The following FAM186B variants were observed in gnomAD, a reference collection of about 807,000 sequenced individuals.
FAM186B encodes protein FAM186B.
Under a neutral mutation model 83.4 loss-of-function variants are expected in FAM186B, and 68 were observed. That is an observed-to-expected ratio of 0.81 (90% CI 0.67 to 1.00). The LOEUF is 1.00. FAM186B is among the 50% of genes least tolerant of loss of function. The pLI is 0.00. For missense variants in FAM186B, 983 were observed against 1,099.2 expected (o/e 0.89, Z 1.49); for synonymous variants, 389 against 422.0 (o/e 0.92, Z 0.96).
the FAM186B span, among the ~76,000 whole-genome samples, chr12:49,612,098 C>A: frequency 1.3e-5 from 2 of 152,034 alleles, no homozygotes; most frequent in African/African-American, 2.4e-5. Context: ...AAGCAACCAG[C>A]TAGTAACTTC....
At chr12:49,589,150 T>C (rs1429270118) in intron 5 of FAM186B, among the ~76,000 whole-genome samples, 1 of 152,210 alleles carries the variant, frequency 6.6e-6, no homozygotes, top group African/African-American at 2.4e-5. Context: ...GAAACCTCCA[T>C]GGCCAAGGCT....
At chr12:49,606,780 T>C (rs1379771489), upstream of FAM186B, among the ~76,000 whole-genome samples, 1 of 152,126 alleles carries the variant, frequency 6.6e-6, no homozygotes, top group African/African-American at 2.4e-5. Context: ...CCAACTTGAC[T>C]CCATTGACAG....
At chr12:49,588,340 T>G (rs1592542515) in intron 6 of FAM186B, 114 bp downstream of exon 6, 25 of 1,292,054 alleles carry the variant, frequency 1.9e-5, no homozygotes, top group Non-Finnish European at 2.5e-5. Flanking sequence ...ACTCGTAGGG[T>G]GATATTGGCC....
chr12:49,591,936 C>T (rs1374942691), intron 5 of FAM186B, among the ~76,000 whole-genome samples: 1 of 152,116 alleles, frequency 6.6e-6, no homozygotes, highest in Non-Finnish European at 1.5e-5. Context: ...TCATGTTCAG[C>T]ACAGACACAA....
intron 5 of FAM186B, among the ~76,000 whole-genome samples, chr12:49,590,589 G>C (rs1394627375): frequency 6.6e-6 from 1 of 152,158 alleles, no homozygotes; most frequent in African/African-American, 2.4e-5. Flanking sequence ...ATTCTGCCAA[G>C]GTAAAGTGGG....
At position 49,600,582 on chromosome 12, in the gene FAM186B, A is replaced by G. The variant is rs768898567; in HGVS notation, c.1058T>C (p.Val353Ala). 6.2e-7 allele frequency: 1 copy of G among 1,612,840 alleles called. No individual in the cohort carries two copies. The highest frequency in any genetic ancestry group is 1.1e-5 in the South Asian group (1 of 90,866). The change falls in exon 4 of 7, where the codon GTC (valine) becomes GCC (alanine). Residue 353 changes from valine (V) to alanine (A), a missense_variant. Val to Ala is a moderately conservative substitution (Grantham distance 64, BLOSUM62 0). Coordinates refer to ENST00000257894, the MANE Select transcript of FAM186B (RefSeq NM_032130.3). This position sits in a 1 kb window ranked among gnomAD's most constrained non-coding sequence, Gnocchi z 4.3. ...CGGTTCCTGTTGGCTTTCCTCCATG[A>G]CTGTTTCTTTCCTTGGGAGGGTCTC... ...ERETLPRKET[V>A]MEESQQEPMK...
At chr12:49,610,829 C>T in the FAM186B span, among the ~76,000 whole-genome samples, 1 of 150,800 alleles carries the variant, frequency 6.6e-6, no homozygotes, top group Non-Finnish European at 1.5e-5. Context: ...TAAAGAATTT[C>T]AAAATACAAT....
intron 4 of FAM186B, 111 bp downstream of exon 4, chr12:49,599,358 G>A (rs1233337819): frequency 1.5e-5 from 21 of 1,411,376 alleles, no homozygotes; most frequent in South Asian, 5.4e-5. Context: ...CCAGGCCTGG[G>A]GTGGCTCTCC....
chr12:49,608,993 C>T (rs1328110842), upstream of FAM186B, among the ~76,000 whole-genome samples: 2 of 152,148 alleles, frequency 1.3e-5, no homozygotes, highest in Non-Finnish European at 2.9e-5. Flanking sequence ...GACACAGTAG[C>T]GTGGCCACAC....
downstream of FAM186B, among the ~76,000 whole-genome samples, chr12:49,585,042 T>C (rs1167676472): frequency 6.6e-6 from 1 of 152,136 alleles, no homozygotes; most frequent in East Asian, 1.9e-4. Flanking sequence ...TTTTTTAAGA[T>C]GGAGTCTCGC....
chr12:49,598,719 G>A, intron 5 of FAM186B, 36 bp downstream of exon 5: 1 of 1,531,974 alleles, frequency 6.5e-7, no homozygotes, highest in South Asian at 1.2e-5. Context: ...GACCCCAGGA[G>A]GCGGAGTGGC....
chr12:49,613,385 G>C, the FAM186B span, among the ~76,000 whole-genome samples: 1 of 151,760 alleles, frequency 6.6e-6, no homozygotes. Flanking sequence ...AAATTAGCCG[G>C]GTGTGGTGGT....
intron 4 of FAM186B, among the ~76,000 whole-genome samples, 191 bp from the exon 5 acceptor site, chr12:49,599,138 T>TG (rs1288029442): frequency 6.6e-6 from 1 of 151,544 alleles, no homozygotes; most frequent in Non-Finnish European, 1.5e-5. Flanking sequence ...AGGGCTGGGA[T>TG]GAAACAGAAA....
downstream of FAM186B, among the ~76,000 whole-genome samples, chr12:49,586,936 C>T (rs963831899): frequency 2.0e-5 from 3 of 152,162 alleles, no homozygotes; most frequent in Non-Finnish European, 4.4e-5. Context: ...TAGGTCTAGA[C>T]TGGAGGCATC....
the FAM186B span, among the ~76,000 whole-genome samples, chr12:49,616,033 G>GTTT: frequency 7.0e-6 from 1 of 142,956 alleles, no homozygotes; most frequent in Non-Finnish European, 1.5e-5. Flanking sequence ...GAGTTTGGCA[G>GTTT]TTTTTTTTTT....
chr12:49,590,739 A>C (rs1301981709), intron 5 of FAM186B, among the ~76,000 whole-genome samples: 3 of 152,214 alleles, frequency 2.0e-5, no homozygotes, highest in Non-Finnish European at 4.4e-5. Flanking sequence ...ATACCTTCTC[A>C]TTCTGTTGGC....
the FAM186B span, among the ~76,000 whole-genome samples, chr12:49,616,862 A>G: frequency 6.6e-6 from 1 of 152,216 alleles, no homozygotes; most frequent in African/African-American, 2.4e-5. Flanking sequence ...ACACCTCAAT[A>G]AAGTTGATTT....
upstream of FAM186B, among the ~76,000 whole-genome samples, chr12:49,606,835 C>A (rs180730643): frequency 6.6e-6 from 1 of 152,238 alleles, no homozygotes; most frequent in Admixed American, 6.5e-5. Context: ...TTATTCCCTA[C>A]GCATATGGAA....
At chr12:49,601,784 G>A (rs978001015) in intron 3 of FAM186B, among the ~76,000 whole-genome samples, 2 of 151,940 alleles carry the variant, frequency 1.3e-5, no homozygotes, top group Non-Finnish European at 2.9e-5. Context: ...GGTGGTCATT[G>A]TACCCCCTTG....
Sources: allele counts gnomAD v4.1 joint callset (sites outside exome capture counted in the v4.1 genomes callset), GRCh38; gene constraint gnomAD v4.1.1; non-coding constraint Gnocchi (gnomAD v3.1); transcripts MANE v1.5; gene names NCBI Gene and HGNC (gene_info 2026-07-23, HGNC 2026-07-21).